CARMIL2: variants seen among roughly 807,000 people sequenced by gnomAD.
CARMIL2 encodes capping protein regulator and myosin 1 linker 2.
A neutral mutation model predicts 173.3 loss-of-function variants in CARMIL2; 96 were observed. The observed-to-expected ratio is 0.55, with a 90% CI of 0.47 to 0.66. CARMIL2 has a LOEUF of 0.66. Among genes scored for constraint, CARMIL2 ranks in the 30% least tolerant of loss-of-function variants. CARMIL2 has a pLI of 0.00. For synonymous variants in CARMIL2, 830 were observed against 817.1 expected, an observed-to-expected ratio of 1.02 and a Z score of -0.27; for missense variants, 1,771 against 1,906.7, an observed-to-expected ratio of 0.93 and a Z score of 1.33.
chr16:67,647,985 C>T, intron 13 of CARMIL2, 27 bp downstream of exon 13: 5 of 1,604,726 alleles, frequency 3.1e-6, no homozygotes, highest in Non-Finnish European at 4.3e-6. Context: ...AGGGTGGGAG[C>T]TTGGGGTTGC....
rs1398526082 is a variant in CARMIL2 at position 67,653,730 on chromosome 16, G to T, written c.3121-419G>T. ...GAGCCGGCTTGAGGCCCCCCAGAGGGTCTGACGCAGCAGCCGGCGCCACTG... is the reference window on the plus strand; with the variant it reads ...GAGCCGGCTTGAGGCCCCCCAGAGGTTCTGACGCAGCAGCCGGCGCCACTG... On this transcript the variant is annotated intron_variant, in intron 29 of 37. Coordinates refer to ENST00000334583, the MANE Select transcript of CARMIL2 (RefSeq NM_001013838.3). This position sits in a 1 kb window ranked among gnomAD's most constrained non-coding sequence, Gnocchi z 7.4. 6.6e-6 allele frequency among the ~76,000 whole-genome samples: 1 copy of T among 151,726 alleles called. No homozygotes were observed. The highest frequency in any genetic ancestry group is 1.5e-5 in the Non-Finnish European group (1 of 67,882).
In CARMIL2 at chr16:67,651,922, G is replaced by A. The variant is rs2052732038; in HGVS notation, c.2590G>A (p.Asp864Asn). Reference protein sequence around the residue: ...LLQDAFTRLRDMRLSITGTLA... With the variant: ...LLQDAFTRLRNMRLSITGTLA... ...ACCCCTGTCCTCTCCTGCCCTTAGGGACATGCGGCTATCAATCACGGGGAC... is the reference window on the plus strand; with the variant it reads ...ACCCCTGTCCTCTCCTGCCCTTAGGAACATGCGGCTATCAATCACGGGGAC... Residue 864 changes from aspartate (D) to asparagine (N), a missense_variant and splice_region_variant, in exon 26 of 38, where the codon GAC (aspartate) becomes AAC (asparagine). Around this residue, in one of 3 missense-constraint regions of CARMIL2, gnomAD observed 817 missense variants for 903.5 expected, o/e 0.90. Coordinates refer to ENST00000334583, the MANE Select transcript of CARMIL2 (RefSeq NM_001013838.3). The surrounding 1 kb of genome is among the most constrained non-coding windows in gnomAD (Gnocchi z 4.2). The A allele has an allele frequency of 6.2e-7, 1 of 1,613,516 alleles. No homozygotes were observed. Among genetic ancestry groups the A allele is most frequent in the Admixed American group, 1.7e-5 (1 of 60,028 alleles).
rs762959605 is a variant in CARMIL2 at position 67,656,490 on chromosome 16, A to T, written c.3881A>T (p.Gln1294Leu). The change falls in exon 35 of 38, where the codon CAG becomes CTG. Residue 1294 changes from glutamine to leucine, a missense_variant. Gln to Leu is a moderately radical substitution (Grantham distance 113). This residue lies in a region of CARMIL2 where 817 missense variants were observed against 903.5 expected (regional missense o/e 0.90). Coordinates refer to ENST00000334583, the MANE Select transcript of CARMIL2 (RefSeq NM_001013838.3). ...TCTGCCACCTGGAAGACACTGGGGC[A>T]GCAGTTGAATGCGGAGCTCAGGAGC... ...PESATWKTLG[Q>L]QLNAELRSRG... is the part of the protein sequence containing the mutation. 1 of 1,613,192 alleles carries T rather than the reference A, an allele frequency of 6.2e-7. No homozygotes were observed. The highest frequency in any genetic ancestry group is 8.5e-7 in the Non-Finnish European group (1 of 1,179,636).
chr16:67,653,283 C>A lies in CARMIL2; in HGVS notation c.3120+29C>A. ...AGCACCCTTCCCCCACTCCGGAGCG[C>A]GTGGAATTGGGGATCACGGGTGGCC... On this transcript the variant is annotated intron_variant, in intron 29 of 37. Coordinates refer to ENST00000334583, the MANE Select transcript of CARMIL2 (RefSeq NM_001013838.3). This position sits in a 1 kb window ranked among gnomAD's most constrained non-coding sequence, Gnocchi z 7.4. 1 of 1,070,904 alleles carries A rather than the reference C, an allele frequency of 9.3e-7. No homozygotes were observed. Among genetic ancestry groups the A allele is most frequent in the Non-Finnish European group, 1.2e-6 (1 of 864,050 alleles). 66.3% of individuals were successfully genotyped at this position (1,070,904 alleles called of 1,614,324 possible).
Position 67,651,933 on chromosome 16 carries a change from A to G in CARMIL2, c.2601A>G (p.Leu867=). ...CTCCTGCCCTTAGGGACATGCGGCT[A>G]TCAATCACGGGGACCTTGGCAGAGA... ...DAFTRLRDMR[L]SITGTLAESI... The change falls in exon 26 of 38, where the codon CTA becomes CTG. Residue 867 remains leucine, a synonymous_variant. Coordinates refer to ENST00000334583, the MANE Select transcript of CARMIL2 (RefSeq NM_001013838.3). This position sits in a 1 kb window ranked among gnomAD's most constrained non-coding sequence, Gnocchi z 4.2. The G allele has an allele frequency of 2.5e-6, 4 of 1,613,582 alleles. No individual in the cohort carries two copies. Among genetic ancestry groups the G allele is most frequent in the Non-Finnish European group, 3.4e-6 (4 of 1,179,866 alleles).
rs1334952053 is a variant in CARMIL2 at position 67,656,788 on chromosome 16, T to C, written c.4037-13T>C. 7 of 1,551,770 alleles carry C rather than the reference T, an allele frequency of 4.5e-6. No homozygotes were observed. The East Asian group carries it at 1.2e-4, about 27-fold the overall frequency. ...AGCTGTTGGAATACCCCTGATTCCC[T>C]GGCCTCCCTCAGATGGCCAGCTGAG... On this transcript the variant is annotated splice_polypyrimidine_tract_variant and intron_variant, in intron 35 of 37. Coordinates refer to ENST00000334583, the MANE Select transcript of CARMIL2 (RefSeq NM_001013838.3).
In CARMIL2 at chr16:67,649,949, C is replaced by G; in HGVS notation, c.2063C>G (p.Thr688Arg). 1 of 1,613,336 alleles carries G rather than the reference C, an allele frequency of 6.2e-7. No individual in the cohort carries two copies. The highest frequency in any genetic ancestry group is 8.5e-7 in the Non-Finnish European group (1 of 1,179,796). Residue 688 changes from threonine (T) to arginine (R), a missense_variant, in exon 21 of 38, where the codon ACA (threonine) becomes AGA (arginine). Physicochemically the swap from Thr to Arg is moderately conservative, Grantham distance 71. This residue lies in a region of CARMIL2 where 944 missense variants were observed against 975.6 expected (regional missense o/e 0.97). Transcript: ENST00000334583. This position sits in a 1 kb window ranked among gnomAD's most constrained non-coding sequence, Gnocchi z 6.7. ...AQAQRSRPELTARAVHQIQAC... is the reference protein window; with the variant it reads ...AQAQRSRPELRARAVHQIQAC... ...GCGCAGCGCAGCCGCCCGGAACTGACAGCACGTGCAGTCCATCAGGTGGGC... is the reference window on the plus strand; with the variant it reads ...GCGCAGCGCAGCCGCCCGGAACTGAGAGCACGTGCAGTCCATCAGGTGGGC...
chr16:67,649,753 T>C lies in CARMIL2; in HGVS notation c.1920-53T>C, dbSNP rs2052682821. On this transcript the variant is annotated intron_variant, in intron 20 of 37. Coordinates refer to ENST00000334583, the MANE Select transcript of CARMIL2 (RefSeq NM_001013838.3). This position sits in a 1 kb window ranked among gnomAD's most constrained non-coding sequence, Gnocchi z 6.7. ...CGAGGCGAATGGACTAGGCCGAGGG[T>C]TGGGTGGGGCGTTGGGAAGCTCCGT... is the stretch of plus-strand genomic sequence containing the variant. The C allele has an allele frequency of 6.3e-7, 1 of 1,587,664 alleles. No individual in the cohort carries two copies. The highest frequency in any genetic ancestry group is 1.3e-5 in the African/African-American group (1 of 74,476).
At position 67,648,590 on chromosome 16, in the gene CARMIL2, C is replaced by A; in HGVS notation, c.1439+88C>A. 6.7e-7 allele frequency: 1 copy of A among 1,490,392 alleles called. No homozygotes were observed. Among genetic ancestry groups the A allele is most frequent in the East Asian group, 2.5e-5 (1 of 40,662 alleles). The allele number at this position is 1,490,392 out of a possible 1,614,324, so 92.3% of individuals were successfully genotyped here. A position where few individuals can be genotyped will look rare whatever the true frequency, so the allele number is the denominator to read the frequency against. On this transcript the variant is annotated intron_variant, in intron 15 of 37. Transcript: ENST00000334583. The surrounding 1 kb of genome is among the most constrained non-coding windows in gnomAD (Gnocchi z 6.1). ...TCCCCGCTCCTGCTTCTGTCGCTCC[C>A]ACAACCTCCCCCAGATCCTGGCCCT... is the stretch of plus-strand genomic sequence containing the variant.
rs777163612 is a variant in CARMIL2, at chr16:67,648,795, G to A, written c.1509+41G>A. ...CAGAAGAGACCACACATTGGGAGAG[G>A]CGCTGGGAGGCGGAAGGGCAGGGCC... is the stretch of plus-strand genomic sequence containing the variant. On this transcript the variant is annotated intron_variant, in intron 16 of 37. Coordinates refer to ENST00000334583, the MANE Select transcript of CARMIL2 (RefSeq NM_001013838.3). The surrounding 1 kb of genome is among the most constrained non-coding windows in gnomAD (Gnocchi z 6.1). 119 of 1,570,254 alleles carry A rather than the reference G, an allele frequency of 7.6e-5. No individual in the cohort carries two copies. Among genetic ancestry groups the A allele is most frequent in the Non-Finnish European group, 1.0e-4 (116 of 1,158,320 alleles).
chr16:67,647,792 G>A, intron 12 of CARMIL2, 26 bp downstream of exon 12: 1 of 1,256,352 alleles, frequency 8.0e-7, no homozygotes, highest in Non-Finnish European at 1.1e-6. Context: ...GAGGGGGTGA[G>A]GGGAGGGGGG....
At chr16:67,656,740 G>T (rs901147138) in intron 35 of CARMIL2, 61 bp from the exon 36 acceptor site, 28 of 1,559,058 alleles carry the variant, frequency 1.8e-5, no homozygotes, top group Middle Eastern at 1.7e-4. Flanking sequence ...CTGAGGGTGG[G>T]AGGCAAGGGC....
Position 67,657,379 on chromosome 16 carries a change from CCTCT to C in CARMIL2, c.4196-21_4196-18del, listed in dbSNP as rs752623662. 3.1e-5 allele frequency: 49 copies of C among 1,604,024 alleles called. No homozygotes were observed. The African/African-American group carries it at 6.0e-4, about 20-fold the overall frequency. On this transcript the variant is annotated intron_variant, in intron 37 of 37. Coordinates refer to ENST00000334583, the MANE Select transcript of CARMIL2 (RefSeq NM_001013838.3). The surrounding 1 kb of genome is among the most constrained non-coding windows in gnomAD (Gnocchi z 4.5). ...ACTGCTTAGCCCAGCCCTGACCCTT[CCTCT>C]CTCTCCCTCCCTCCCCTCACAGGAT...
chr16:67,648,869 C>T lies in CARMIL2; in HGVS notation c.1510-24C>T, dbSNP rs918501868. On this transcript the variant is annotated intron_variant, in intron 16 of 37. Transcript: ENST00000334583. The surrounding 1 kb of genome is among the most constrained non-coding windows in gnomAD (Gnocchi z 6.1). Reference sequence around the variant, plus strand: ...TCGCGGCCTAAGTGGGTCCCACTTCCCACCTCCCACCTCCCACATACAGCT... The same window carrying T: ...TCGCGGCCTAAGTGGGTCCCACTTCTCACCTCCCACCTCCCACATACAGCT... 10 of 1,593,064 alleles carry T rather than the reference C, an allele frequency of 6.3e-6. No individual in the cohort carries two copies. The highest frequency in any genetic ancestry group is 6.8e-6 in the Non-Finnish European group (8 of 1,170,512).
At chr16:67,656,950 T>C in intron 36 of CARMIL2, 69 bp downstream of exon 36, 1 of 1,290,634 alleles carries the variant, frequency 7.7e-7, no homozygotes. Context: ...TGGGGCTCCC[T>C]TCATAGCTTT....
rs1464002449 is a variant in CARMIL2 at position 67,646,442 on chromosome 16, C to T, written c.391C>T (p.Pro131Ser). 1 of 1,613,704 alleles carries T rather than the reference C, an allele frequency of 6.2e-7. No homozygotes were observed. The highest frequency in any genetic ancestry group is 1.7e-5 in the Admixed American group (1 of 59,988). Residue 131 changes from proline to serine, a missense_variant, in exon 6 of 38, where the codon CCC (proline) becomes TCC (serine). Pro to Ser is a moderately conservative substitution (Grantham distance 74). Transcript: ENST00000334583. This position sits in a 1 kb window ranked among gnomAD's most constrained non-coding sequence, Gnocchi z 4.6. ...RSTLGKLFRR[P>S]TPASMLARLE... The stretch of plus-strand genomic sequence containing the variant: ...CCCTACCAGGAAGCTATTCCGGAGG[C>T]CCACACCAGCCTCCATGCTGGCTCG...
At chr16:67,655,624 GGTGGT>G (rs1421937125) in intron 32 of CARMIL2, among the ~76,000 whole-genome samples, 22 of 152,132 alleles carry the variant, frequency 1.4e-4, no homozygotes, top group East Asian at 9.7e-4. Flanking sequence ...CACGTCCCTG[GGTGGT>G]CTGGATGTCC....
rs2052757527 is a variant in CARMIL2 at position 67,652,951 on chromosome 16, G to C, written c.2885-68G>C. ...CCGCGCCCTGGGCGGGTCCCCCGCCGCCCTAGCGCCTCCGCCGCCACCTCC... is the reference window on the plus strand; with the variant it reads ...CCGCGCCCTGGGCGGGTCCCCCGCCCCCCTAGCGCCTCCGCCGCCACCTCC... On this transcript the variant is annotated intron_variant, in intron 28 of 37. Transcript: ENST00000334583. The surrounding 1 kb of genome is among the most constrained non-coding windows in gnomAD (Gnocchi z 4.7). 3 of 806,068 alleles carry C rather than the reference G, an allele frequency of 3.7e-6. No homozygotes were observed. The highest frequency in any genetic ancestry group is 3.8e-5 in the African/African-American group (2 of 52,392). 49.9% of individuals were successfully genotyped at this position (806,068 alleles called of 1,614,324 possible).
At chr16:67,654,991 A>T in intron 32 of CARMIL2, 91 bp downstream of exon 32, 1 of 1,484,290 alleles carries the variant, frequency 6.7e-7, no homozygotes, top group Non-Finnish European at 9.2e-7. Flanking sequence ...CTCATGACAG[A>T]TAGGTCTAAT....
Sources: gnomAD v4.1 joint callset for allele counts (sites outside exome capture counted in the v4.1 genomes callset) on GRCh38, gnomAD v4.1.1 for gene constraint, gnomAD v4.1.1 regional missense constraint, Gnocchi (gnomAD v3.1) non-coding constraint, MANE v1.5 for transcripts, NCBI Gene and HGNC (gene_info 2026-07-23, HGNC 2026-07-21) for gene names.